The following IGSF9B variants were observed in gnomAD, a reference collection of about 807,000 sequenced individuals.
IGSF9B encodes the protein protein turtle homolog B.
A neutral mutation model predicts 143.7 loss-of-function variants in IGSF9B; 48 were observed. The observed-to-expected ratio is 0.33, with a 90% CI of 0.26 to 0.42. The LOEUF (loss-of-function observed/expected upper bound fraction) is 0.42. IGSF9B is among the 20% of genes least tolerant of loss of function. The pLI, the probability that IGSF9B is intolerant of heterozygous loss-of-function variation, is 1.00. For synonymous variants in IGSF9B, 903 were observed against 833.1 expected (o/e 1.08, Z -1.44); for missense variants, 1,706 against 1,980.0 (o/e 0.86, Z 2.63).
chr11:133,930,289 G>A (rs1005383176), intron 11 of IGSF9B, among the ~76,000 whole-genome samples: 3 of 152,172 alleles, frequency 2.0e-5, no homozygotes, highest in Admixed American at 2.0e-4. Context: ...GCCGGAGAAA[G>A]CATTCGGGCC....
chr11:133,911,920 T>A lies in IGSF9B; in HGVS notation c.4071A>T (p.Ser1357=). The change falls in exon 19 of 20, where the codon TCA becomes TCT. Residue 1357 remains serine (S), a synonymous_variant. Transcript: ENST00000533871. ...TCTTTGACTTCGAAGAGCCCTTGGA[T>A]GACTTTTTGGGCTTCTTTATCCGTT... ...KYQRIKKPKK[S]SKGSSKSKKR... is the part of the protein sequence containing the mutation. 6.5e-7 allele frequency: 1 copy of A among 1,534,998 alleles called. No homozygotes were observed. Among genetic ancestry groups the A allele is most frequent in the African/African-American group, 1.4e-5 (1 of 73,076 alleles).
intron 2 of IGSF9B, 93 bp from the exon 3 acceptor site, chr11:133,944,459 C>G (rs1940008635): frequency 5.5e-6 from 7 of 1,270,024 alleles, no homozygotes; most frequent in African/African-American, 1.5e-5. Flanking sequence ...GGGGACTCAT[C>G]ATAATCTTCA....
At chr11:133,922,441 CAGCTCTACCCACA>C in intron 16 of IGSF9B, 115 bp downstream of exon 16, 1 of 1,035,006 alleles carries the variant, frequency 9.7e-7, no homozygotes, top group Non-Finnish European at 1.4e-6. Flanking sequence ...GTCTCACTGG[CAGCTCTACCCACA>C]AGATCTCAAT....
At chr11:133,911,297 C>T (rs1287018838) in intron 19 of IGSF9B, among the ~76,000 whole-genome samples, 2 of 152,208 alleles carry the variant, frequency 1.3e-5, no homozygotes, top group East Asian at 3.9e-4. Context: ...TAGAGGCATC[C>T]TCTCTGTGGG....
rs1240524212 is a variant in IGSF9B at position 133,928,309 on chromosome 11, G to A, written c.1632-1218C>T. Among the ~76,000 whole-genome samples, 1 of 152,166 alleles carries A rather than the reference G, an allele frequency of 6.6e-6. No individual in the cohort carries two copies. Among genetic ancestry groups the A allele is most frequent in the Admixed American group, 6.5e-5 (1 of 15,284 alleles). ...CCCACGCTGCTGCGGGAGGAACAGA[G>A]TAAGGGGACGGGAGGTGAGCTGCGG... On this transcript the variant is annotated intron_variant, in intron 12 of 19. Transcript: ENST00000533871. This position sits in a 1 kb window ranked among gnomAD's most constrained non-coding sequence, Gnocchi z 4.7.
At chr11:133,933,975 T>A (rs544698447) in intron 7 of IGSF9B, among the ~76,000 whole-genome samples, 13 of 148,292 alleles carry the variant, frequency 8.8e-5, no homozygotes, top group Non-Finnish European at 1.8e-4. Flanking sequence ...TACTTTTGTA[T>A]GGTAGAGTTT....
Position 133,902,756 on chromosome 11 carries a change from G to A in IGSF9B, c.*6313C>T, listed in dbSNP as rs78482411. On this transcript the variant is annotated 3_prime_UTR_variant, in exon 20 of 20. Transcript: ENST00000533871. ...GCACACCTCTCGTTGTTCATGGGAGGCCATATAAAACCTCATTGATAGAGT... is the reference window on the plus strand; with the variant it reads ...GCACACCTCTCGTTGTTCATGGGAGACCATATAAAACCTCATTGATAGAGT... Among the ~76,000 whole-genome samples the A allele has an allele frequency of 4.5e-3, 681 of 152,258 alleles. 3 individuals are homozygous for A. Among genetic ancestry groups the A allele is most frequent in the Non-Finnish European group, 6.4e-3 (434 of 68,018 alleles).
At position 133,940,954 on chromosome 11, in the gene IGSF9B, C is replaced by A. The variant is rs1015216630; in HGVS notation, c.410-2993G>T. Reference sequence around the variant, plus strand: ...ATCTCCGACACAGCCCCTGCCTGCCCGGCCTGCCCCTTGAAATACAGTGAA... The same window carrying A: ...ATCTCCGACACAGCCCCTGCCTGCCAGGCCTGCCCCTTGAAATACAGTGAA... On this transcript the variant is annotated intron_variant, in intron 3 of 19. Coordinates refer to ENST00000533871, the MANE Select transcript of IGSF9B (RefSeq NM_001277285.4). Among the ~76,000 whole-genome samples, 11 of 152,208 alleles carry A rather than the reference C, an allele frequency of 7.2e-5. 1 individual carries two copies. The East Asian group carries it at 2.1e-3, about 29-fold the overall frequency.
In IGSF9B at chr11:133,926,901, A is replaced by C; in HGVS notation, c.1807+15T>G. On this transcript the variant is annotated intron_variant, in intron 13 of 19. Coordinates refer to ENST00000533871, the MANE Select transcript of IGSF9B (RefSeq NM_001277285.4). ...CTACAACCCCCGCTCCCAACATCCC[A>C]CCCCGGGCCCTCACCTAAAGTGTTC... 6.4e-7 allele frequency: 1 copy of C among 1,556,576 alleles called. No homozygotes were observed. The highest frequency in any genetic ancestry group is 8.7e-7 in the Non-Finnish European group (1 of 1,145,264).
At position 133,907,235 on chromosome 11, in the gene IGSF9B, G is replaced by A. The variant is rs916695714; in HGVS notation, c.*1834C>T. ...GGTGGAGCTGGTCCTCAGCTCCCTG[G>A]GTGAAAGGAAGGACCAGGGCCGGTG... On this transcript the variant is annotated 3_prime_UTR_variant, in exon 20 of 20. Transcript: ENST00000533871. 1.3e-5 allele frequency among the ~76,000 whole-genome samples: 2 copies of A among 152,180 alleles called. No homozygotes were observed. The highest frequency in any genetic ancestry group is 2.9e-5 in the Non-Finnish European group (2 of 68,032).
rs111651864 is a variant in IGSF9B, at chr11:133,939,377, G to A, written c.410-1416C>T. Among the ~76,000 whole-genome samples, 355 of 152,318 alleles carry A rather than the reference G, an allele frequency of 2.3e-3. 2 individuals are homozygous for A. The highest frequency in any genetic ancestry group is 8.3e-3 in the African/African-American group (344 of 41,564). ...CACTTACAAGTCTGTCTCTCTCTGT[G>A]TGTTTACCTGTTTCTTACCTGTCCC... On this transcript the variant is annotated intron_variant, in intron 3 of 19. Transcript: ENST00000533871.
chr11:133,924,777 C>CT (rs1939595581), intron 15 of IGSF9B, 43 bp downstream of exon 15: 1 of 1,505,258 alleles, frequency 6.6e-7, no homozygotes, highest in South Asian at 1.1e-5. Flanking sequence ...AGCTCTGGGG[C>CT]TTATGTCCCT....
chr11:133,936,001 C>T, intron 6 of IGSF9B, 52 bp downstream of exon 6: 1 of 1,596,298 alleles, frequency 6.3e-7, no homozygotes, highest in Non-Finnish European at 8.6e-7. Context: ...GGGGCCCTGC[C>T]CGTGGGGGCT....
Position 133,902,954 on chromosome 11 carries a change from C to T in IGSF9B, c.*6115G>A, listed in dbSNP as rs1939161594. Among the ~76,000 whole-genome samples the T allele has an allele frequency of 6.6e-6, 1 of 152,126 alleles. No homozygotes were observed. ...CCTCCCATGGCTTATATGAAAACCC[C>T]ACACGTGCATGCCCGCAGCATTTCT... On this transcript the variant is annotated 3_prime_UTR_variant, in exon 20 of 20. Coordinates refer to ENST00000533871, the MANE Select transcript of IGSF9B (RefSeq NM_001277285.4).
At chr11:133,938,014 C>T (rs772686244) in intron 3 of IGSF9B, 53 bp from the exon 4 acceptor site, 6 of 1,585,708 alleles carry the variant, frequency 3.8e-6, no homozygotes, top group Non-Finnish European at 5.2e-6. Flanking sequence ...CATCGCTGCC[C>T]TGCAACAACA....
At position 133,913,952 on chromosome 11, in the gene IGSF9B, G is replaced by A. The variant is rs981081117; in HGVS notation, c.3984-1945C>T. Among the ~76,000 whole-genome samples the A allele has an allele frequency of 1.4e-4, 21 of 152,150 alleles. No individual in the cohort carries two copies. Among genetic ancestry groups the A allele is most frequent in the African/African-American group, 1.4e-4 (6 of 41,432 alleles). ...CGTGTGGTCAGGGAGGCGCATGACCGGCAAGAAGAGTGCTCTCCAATGTCA... is the reference window on the plus strand; with the variant it reads ...CGTGTGGTCAGGGAGGCGCATGACCAGCAAGAAGAGTGCTCTCCAATGTCA... On this transcript the variant is annotated intron_variant, in intron 18 of 19. Transcript: ENST00000533871. This position sits in a 1 kb window ranked among gnomAD's most constrained non-coding sequence, Gnocchi z 4.6.
intron 15 of IGSF9B, among the ~76,000 whole-genome samples, chr11:133,924,579 C>G (rs1440663712): frequency 6.6e-6 from 1 of 152,196 alleles, no homozygotes; most frequent in African/African-American, 2.4e-5. Flanking sequence ...GAATTTCTTT[C>G]TGTGGCTGTC....
intron 15 of IGSF9B, 70 bp downstream of exon 15, chr11:133,924,750 C>T (rs180744829): frequency 1.8e-4 from 229 of 1,303,260 alleles, no homozygotes; most frequent in Non-Finnish European, 2.0e-4. Context: ...AGCCATTTCA[C>T]AAAATGACCC....
Position 133,901,535 on chromosome 11 carries a change from A to T in IGSF9B, c.*7534T>A, listed in dbSNP as rs1939119691. The T allele has an allele frequency of 6.6e-6, 1 of 152,142 alleles. No individual in the cohort carries two copies. Among genetic ancestry groups the T allele is most frequent in the Admixed American group, 6.6e-5 (1 of 15,266 alleles). 9.4% of individuals were successfully genotyped at this position (152,142 alleles called of 1,614,324 possible). A position where few individuals can be genotyped will look rare whatever the true frequency, so the allele number is the denominator to read the frequency against. ...CCCACACCCGAGTGCCACTCGCCCG[A>T]AGCTCCCAGTCTCCACGATTGCATC... is the stretch of plus-strand genomic sequence containing the variant. On this transcript the variant is annotated 3_prime_UTR_variant, in exon 20 of 20. Transcript: ENST00000533871.
Sources: gnomAD v4.1 joint callset for allele counts (sites outside exome capture counted in the v4.1 genomes callset) on GRCh38, gnomAD v4.1.1 for gene constraint, Gnocchi (gnomAD v3.1) non-coding constraint, MANE v1.5 for transcripts, NCBI Gene and HGNC (gene_info 2026-07-23, HGNC 2026-07-21) for gene names.